KCND2: variants seen among roughly 807,000 people sequenced by gnomAD.
The protein encoded by KCND2 is potassium voltage-gated channel subfamily D member 2, also known as A-type voltage-gated potassium channel KCND2.
KCND2 carries 16 observed loss-of-function variants against 54.4 expected under a neutral mutation model. The ratio of observed to expected loss-of-function variants is 0.29; its 90% CI spans 0.20 to 0.45. The LOEUF is 0.45. Ranked by LOEUF, KCND2 falls within the 20% of genes least tolerant of loss-of-function variation. The pLI is 1.00. For missense variants in KCND2, 486 were observed against 824.2 expected, an observed-to-expected ratio of 0.59 and a Z score of 5.02; for synonymous variants, 317 against 310.7, an observed-to-expected ratio of 1.02 and a Z score of -0.21.
intron 1 of KCND2, among the ~76,000 whole-genome samples, chr7:120,523,169 GTTGTTT>G (rs1791720717): frequency 6.6e-6 from 1 of 152,072 alleles, no homozygotes; most frequent in Non-Finnish European, 1.5e-5. Context: ...CTGTGATTGT[GTTGTTT>G]CCGCTATCCA....
At chr7:120,406,882 G>A (rs748657040) in intron 1 of KCND2, among the ~76,000 whole-genome samples, 39 of 151,934 alleles carry the variant, frequency 2.6e-4, no homozygotes, top group Admixed American at 2.4e-3. Context: ...TTAGAGTCAG[G>A]ATATGATGAC....
intron 1 of KCND2, among the ~76,000 whole-genome samples, chr7:120,720,079 T>A (rs1792648331): frequency 6.6e-6 from 1 of 152,168 alleles, no homozygotes. Context: ...GGTTCTTTAG[T>A]TTGTTCTCAA....
intron 1 of KCND2, among the ~76,000 whole-genome samples, chr7:120,290,750 T>A (rs1799424022): frequency 6.6e-6 from 1 of 151,990 alleles, no homozygotes; most frequent in African/African-American, 2.4e-5. Context: ...TATATGCTTT[T>A]TTTTCTTGCA....
intron 1 of KCND2, among the ~76,000 whole-genome samples, chr7:120,378,391 A>G (rs916279935): frequency 2.0e-5 from 3 of 151,958 alleles, no homozygotes; most frequent in Non-Finnish European, 2.9e-5. Context: ...CACAAAGTTT[A>G]TAGATTTTCC....
chr7:120,335,456 T>TTAC (rs1563013317), intron 1 of KCND2, among the ~76,000 whole-genome samples: 155 of 138,848 alleles, frequency 1.1e-3, no homozygotes, highest in African/African-American at 3.7e-3. Context: ...TATTTATTTA[T>TTAC]TTACTTACTT....
chr7:120,633,734 T>G (rs10249109), intron 1 of KCND2, among the ~76,000 whole-genome samples: 2,837 of 152,256 alleles, frequency 0.019, 91 homozygotes, highest in African/African-American at 0.065. Context: ...GCCCACGTTC[T>G]CAACCATTTC....
At chr7:120,605,890 C>T (rs1300520288) in intron 1 of KCND2, among the ~76,000 whole-genome samples, 1 of 152,148 alleles carries the variant, frequency 6.6e-6, no homozygotes, top group Non-Finnish European at 1.5e-5. Flanking sequence ...CCACCCAAAT[C>T]TCTTCTTTAA....
intron 1 of KCND2, among the ~76,000 whole-genome samples, chr7:120,313,595 C>A (rs1026971592): frequency 8.6e-5 from 13 of 151,954 alleles, no homozygotes; most frequent in Non-Finnish European, 1.8e-4. Flanking sequence ...TGGAATGACG[C>A]CTTGAAGTAG....
At chr7:120,467,261 A>G (rs1394995133) in intron 1 of KCND2, among the ~76,000 whole-genome samples, 1 of 152,162 alleles carries the variant, frequency 6.6e-6, no homozygotes, top group African/African-American at 2.4e-5. Flanking sequence ...CGACATTTCA[A>G]CTGAAAATAA....
chr7:120,737,062 AC>A (rs1562924276), intron 2 of KCND2, among the ~76,000 whole-genome samples: 17 of 144,604 alleles, frequency 1.2e-4, no homozygotes, highest in African/African-American at 4.5e-4. Flanking sequence ...ACACACACAC[AC>A]ACACACACAC....
chr7:120,393,906 T>G (rs1213618592), intron 1 of KCND2, among the ~76,000 whole-genome samples: 1 of 152,050 alleles, frequency 6.6e-6, no homozygotes, highest in Non-Finnish European at 1.5e-5. Context: ...AAGTAATTTT[T>G]TAACTATTTC....
At chr7:120,447,084 T>A in intron 1 of KCND2, among the ~76,000 whole-genome samples, 1 of 152,086 alleles carries the variant, frequency 6.6e-6, no homozygotes, top group East Asian at 1.9e-4. Flanking sequence ...AAAAGCCCAA[T>A]AAGTTAAATA....
In KCND2 at chr7:120,749,830, ATG is replaced by A. The variant is rs2116202321; in HGVS notation, c.*1974_*1975del. ...CATGTCAGTTTATGCTTCTAGAGCA[ATG>A]TCTAGTGAAACTTATCTGATGGCAT... On this transcript the variant is annotated 3_prime_UTR_variant, in exon 6 of 6. Transcript: ENST00000331113. The A allele has an allele frequency of 1.3e-5, 2 of 152,128 alleles. No individual in the cohort carries two copies. The highest frequency in any genetic ancestry group is 4.1e-4 in the South Asian group (2 of 4,826). 9.4% of individuals were successfully genotyped at this position (152,128 alleles called of 1,614,324 possible).
chr7:120,459,847 A>C (rs936076824), intron 1 of KCND2, among the ~76,000 whole-genome samples: 11 of 152,328 alleles, frequency 7.2e-5, no homozygotes, highest in Admixed American at 3.3e-4. Flanking sequence ...GTGAACTCAC[A>C]GTCCAGGAAT....
upstream of KCND2, among the ~76,000 whole-genome samples, chr7:120,273,066 G>T (rs1022592820): frequency 6.6e-6 from 1 of 151,992 alleles, no homozygotes; most frequent in African/African-American, 2.4e-5. Flanking sequence ...GCTCTCCCTC[G>T]GTGACATTTT....
At chr7:120,614,935 T>A (rs1793002802) in intron 1 of KCND2, among the ~76,000 whole-genome samples, 1 of 152,300 alleles carries the variant, frequency 6.6e-6, no homozygotes, top group South Asian at 2.1e-4. Context: ...TCCCAGGAGC[T>A]TTTCTTTTCA....
At chr7:120,716,863 G>A (rs1792609458) in intron 1 of KCND2, among the ~76,000 whole-genome samples, 1 of 151,958 alleles carries the variant, frequency 6.6e-6, no homozygotes, top group African/African-American at 2.4e-5. Context: ...ATTATCTGAG[G>A]GAGATATGCT....
chr7:120,557,928 A>G (rs1409094448), intron 1 of KCND2, among the ~76,000 whole-genome samples: 2 of 152,144 alleles, frequency 1.3e-5, no homozygotes, highest in African/African-American at 4.8e-5. Flanking sequence ...TGGTTCCTAA[A>G]TACCAAATTC....
At chr7:120,565,290 A>G (rs1160518821) in intron 1 of KCND2, among the ~76,000 whole-genome samples, 1 of 152,212 alleles carries the variant, frequency 6.6e-6, no homozygotes, top group East Asian at 1.9e-4. Flanking sequence ...CAAGAGCCGT[A>G]TCTGTGAAAA....
Sources: gnomAD v4.1 joint callset for allele counts (sites outside exome capture counted in the v4.1 genomes callset) on GRCh38, gnomAD v4.1.1 for gene constraint, MANE v1.5 for transcripts, NCBI Gene and HGNC (gene_info 2026-07-23, HGNC 2026-07-21) for gene names.